Variants in GPR139 observed in about 807,000 individuals in gnomAD.
The protein encoded by GPR139 is G protein-coupled receptor 139.
A neutral mutation model predicts 25.8 loss-of-function variants in GPR139; 12 were observed. The observed-to-expected ratio is 0.47, with a 90% CI of 0.30 to 0.75. GPR139 has a LOEUF of 0.75. Among genes scored for constraint, GPR139 ranks in the 30% least tolerant of loss-of-function variants. The probability of loss-of-function intolerance (pLI) is 0.07; values close to 1 mark genes in which losing one functional copy is unlikely to be tolerated. For missense variants in GPR139, 380 were observed against 450.2 expected (o/e 0.84, Z 1.41); for synonymous variants, 184 against 179.9 (o/e 1.02, Z -0.18).
chr16:20,043,786 G>T (rs2057344668), intron 1 of GPR139, among the ~76,000 whole-genome samples: 1 of 152,182 alleles, frequency 6.6e-6, no homozygotes, highest in African/African-American at 2.4e-5. Flanking sequence ...CTGGGAGTTT[G>T]TCACAAAGAC....
At chr16:20,048,056 G>T (rs1246528512) in intron 1 of GPR139, among the ~76,000 whole-genome samples, 1 of 152,138 alleles carries the variant, frequency 6.6e-6, no homozygotes, top group Non-Finnish European at 1.5e-5. Flanking sequence ...CTCTTACATA[G>T]TTCCTGGCAT....
rs373547006 is a variant in GPR139 at position 20,059,851 on chromosome 16, G to A, written c.127+13639C>T. Among the ~76,000 whole-genome samples, 109 of 152,286 alleles carry A rather than the reference G, an allele frequency of 7.2e-4. 1 individual carries two copies. The highest frequency in any genetic ancestry group is 2.1e-3 in the African/African-American group (88 of 41,564). On this transcript the variant is annotated intron_variant, in intron 1 of 1. Coordinates refer to ENST00000570682, the MANE Select transcript of GPR139 (RefSeq NM_001002911.4). ...TTGCAGCTAACAACGTTGCAGCACT[G>A]AACTCAAGCCCAGGTGTGCCCCATC...
intron 1 of GPR139, among the ~76,000 whole-genome samples, chr16:20,061,651 T>A (rs1369188469): frequency 1.3e-5 from 2 of 152,226 alleles, no homozygotes; most frequent in Non-Finnish European, 2.9e-5. Context: ...CACAAGCCAT[T>A]CTGCTTCCAC....
chr16:20,048,279 T>C (rs2057360561), intron 1 of GPR139, among the ~76,000 whole-genome samples: 1 of 152,126 alleles, frequency 6.6e-6, no homozygotes, highest in Non-Finnish European at 1.5e-5. Flanking sequence ...TTGGGACCAT[T>C]AGCTGCCTGA....
chr16:20,069,658 T>C (rs2057452552), intron 1 of GPR139, among the ~76,000 whole-genome samples: 1 of 152,176 alleles, frequency 6.6e-6, no homozygotes, highest in Non-Finnish European at 1.5e-5. Flanking sequence ...TATCATCTCT[T>C]TCCTCACCTT....
intron 1 of GPR139, among the ~76,000 whole-genome samples, chr16:20,041,501 G>C (rs951187594): frequency 4.6e-5 from 7 of 151,900 alleles, no homozygotes; most frequent in Non-Finnish European, 7.4e-5. Context: ...ATGGGGCACT[G>C]CCTCTGGTGG....
chr16:20,032,927 G>C (rs559831339), intron 1 of GPR139, among the ~76,000 whole-genome samples: 3 of 152,280 alleles, frequency 2.0e-5, no homozygotes, highest in South Asian at 2.1e-4. Context: ...TGAAACTGGG[G>C]CTCTGAGAGC....
chr16:20,058,578 C>T (rs988678793), intron 1 of GPR139, among the ~76,000 whole-genome samples: 7 of 152,138 alleles, frequency 4.6e-5, no homozygotes, highest in Non-Finnish European at 7.4e-5. Flanking sequence ...CCCTCTTCTG[C>T]GAGCTATGTC....
At chr16:20,045,253 G>A (rs2057350538) in intron 1 of GPR139, among the ~76,000 whole-genome samples, 1 of 152,086 alleles carries the variant, frequency 6.6e-6, no homozygotes, top group South Asian at 2.1e-4. Context: ...ACCAGCCTCG[G>A]CCTCCCAAAG....
At chr16:20,047,860 A>G (rs571129418) in intron 1 of GPR139, among the ~76,000 whole-genome samples, 2 of 152,340 alleles carry the variant, frequency 1.3e-5, no homozygotes, top group African/African-American at 2.4e-5. Context: ...TTGCTCATCT[A>G]TGAAAAGTAT....
chr16:20,049,029 A>T (rs1026926946), intron 1 of GPR139, among the ~76,000 whole-genome samples: 3 of 152,204 alleles, frequency 2.0e-5, no homozygotes, highest in African/African-American at 7.2e-5. Context: ...CATTGAGTTA[A>T]GCACCTCACT....
chr16:20,073,619 G>T lies in GPR139; in HGVS notation c.-3C>A, dbSNP rs200732717. On this transcript the variant is annotated 5_prime_UTR_variant, in exon 1 of 2. Coordinates refer to ENST00000570682, the MANE Select transcript of GPR139 (RefSeq NM_001002911.4). This position sits in a 1 kb window ranked among gnomAD's most constrained non-coding sequence, Gnocchi z 4.7. Reference sequence around the variant, plus strand: ...AGGTGGGCGTGCGTGTGCTCCATGAGCGCGCCCCTCGCTCCCCTTGCCGCT... The same window carrying T: ...AGGTGGGCGTGCGTGTGCTCCATGATCGCGCCCCTCGCTCCCCTTGCCGCT... The T allele has an allele frequency of 1.9e-6, 3 of 1,597,102 alleles. No individual in the cohort carries two copies. In the Admixed American group the frequency reaches 5.1e-5, roughly 27 times the overall value.
At chr16:20,058,304 C>A (rs1488959675) in intron 1 of GPR139, among the ~76,000 whole-genome samples, 3 of 151,292 alleles carry the variant, frequency 2.0e-5, no homozygotes, top group Non-Finnish European at 4.4e-5. Flanking sequence ...GGAGATAAGA[C>A]AAATAATGTG....
intron 1 of GPR139, among the ~76,000 whole-genome samples, chr16:20,068,684 G>C (rs1438721338): frequency 6.6e-6 from 1 of 152,068 alleles, no homozygotes; most frequent in African/African-American, 2.4e-5. Flanking sequence ...TCCTTGCCTT[G>C]TTCTAGATCT....
intron 1 of GPR139, among the ~76,000 whole-genome samples, chr16:20,057,142 A>G (rs958810157): frequency 6.6e-6 from 1 of 152,204 alleles, no homozygotes; most frequent in Non-Finnish European, 1.5e-5. Context: ...CAATGTCTGC[A>G]GTGGGCCCAA....
intron 1 of GPR139, among the ~76,000 whole-genome samples, chr16:20,068,088 A>G (rs548666978): frequency 1.3e-5 from 2 of 152,192 alleles, no homozygotes; most frequent in Admixed American, 6.5e-5. Context: ...TACATAAGAA[A>G]CTAAAATACT....
chr16:20,038,531 G>T (rs761010490), intron 1 of GPR139, among the ~76,000 whole-genome samples: 1 of 152,108 alleles, frequency 6.6e-6, no homozygotes, highest in Non-Finnish European at 1.5e-5. Flanking sequence ...AAGTGAAATT[G>T]CTAGGTATTC....
chr16:20,047,724 G>A (rs554670296), intron 1 of GPR139, among the ~76,000 whole-genome samples: 3 of 147,106 alleles, frequency 2.0e-5, no homozygotes, highest in South Asian at 2.1e-4. Context: ...ATGTCCTAGC[G>A]TCATCTTAGA....
chr16:20,063,470 C>G (rs1456048040), intron 1 of GPR139, among the ~76,000 whole-genome samples: 3 of 152,180 alleles, frequency 2.0e-5, no homozygotes, highest in African/African-American at 7.2e-5. Flanking sequence ...CACTTCACTG[C>G]ACTTCAGCCT....
Sources: gnomAD v4.1 joint callset for allele counts (sites outside exome capture counted in the v4.1 genomes callset) on GRCh38, gnomAD v4.1.1 for gene constraint, Gnocchi (gnomAD v3.1) non-coding constraint, MANE v1.5 for transcripts, NCBI Gene and HGNC (gene_info 2026-07-23, HGNC 2026-07-21) for gene names.